EGFR: variants seen among roughly 807,000 people sequenced by gnomAD.
EGFR encodes epidermal growth factor receptor.
In EGFR, 58 loss-of-function variants were observed where a neutral mutation model predicts 143.0. The observed-to-expected ratio is 0.41, with a 90% CI of 0.33 to 0.50. EGFR has a LOEUF of 0.50. Among genes scored for constraint, EGFR ranks in the 20% least tolerant of loss-of-function variants. The pLI, the probability that EGFR is intolerant of heterozygous loss-of-function variation, is 0.39. For missense variants in EGFR, 1,307 were observed against 1,579.0 expected, an observed-to-expected ratio of 0.83 and a Z score of 2.92; for synonymous variants, 613 against 594.4, an observed-to-expected ratio of 1.03 and a Z score of -0.45.
rs2692456 is a variant in EGFR, at chr7:55,205,133, G to A, written c.3272-123G>A. 1,230,125 of 1,470,902 alleles carry A rather than the reference G, an allele frequency of 0.84. 515,269 individuals carry two copies. Among genetic ancestry groups the A allele is most frequent in the South Asian group, 0.93 (74,671 of 80,524 alleles). 91.1% of individuals were successfully genotyped at this position (1,470,902 alleles called of 1,614,324 possible). On this transcript the variant is annotated intron_variant, in intron 27 of 27. Coordinates refer to ENST00000275493, the MANE Select transcript of EGFR (RefSeq NM_005228.5). ...GCAGCAACAGCAAGAGGGCCCTCCC[G>A]AGGCTCCTGCTCCCTGTCATAAGTC... is the stretch of plus-strand genomic sequence containing the variant.
intron 1 of EGFR, among the ~76,000 whole-genome samples, chr7:55,107,653 A>C (rs553638872): frequency 1.3e-5 from 2 of 152,340 alleles, no homozygotes; most frequent in African/African-American, 4.8e-5. Context: ...AGTGAATTCC[A>C]GTTGTTCAGA....
At chr7:55,130,587 A>G (rs922139269) in intron 1 of EGFR, among the ~76,000 whole-genome samples, 1 of 152,166 alleles carries the variant, frequency 6.6e-6, no homozygotes, top group African/African-American at 2.4e-5. Flanking sequence ...TAAAAGGAGG[A>G]TTTCAGTTGA....
At chr7:55,052,215 T>A (rs966366058) in intron 1 of EGFR, among the ~76,000 whole-genome samples, 1 of 152,188 alleles carries the variant, frequency 6.6e-6, no homozygotes, top group African/African-American at 2.4e-5. Flanking sequence ...GGGAGACTCA[T>A]GTAAAAGGCA....
At chr7:55,042,698 A>G (rs1471410145) in intron 1 of EGFR, among the ~76,000 whole-genome samples, 1 of 152,158 alleles carries the variant, frequency 6.6e-6, no homozygotes, top group Non-Finnish European at 1.5e-5. Flanking sequence ...CAGAAGACAT[A>G]ACATATAGGG....
chr7:55,084,188 G>T (rs1203907760), intron 1 of EGFR, among the ~76,000 whole-genome samples: 1 of 152,174 alleles, frequency 6.6e-6, no homozygotes, highest in African/African-American at 2.4e-5. Context: ...GTGGGTCAGG[G>T]TCTGGGTTCT....
intron 1 of EGFR, among the ~76,000 whole-genome samples, chr7:55,060,339 G>A (rs886954366): frequency 1.3e-5 from 2 of 152,156 alleles, no homozygotes; most frequent in East Asian, 1.9e-4. Context: ...ACATAATTAC[G>A]TTTCCCTTCT....
At chr7:55,202,125 G>A (rs924329626) in intron 26 of EGFR, among the ~76,000 whole-genome samples, 29 of 152,328 alleles carry the variant, frequency 1.9e-4, no homozygotes, top group Admixed American at 6.5e-4. Context: ...GGTCTAGACC[G>A]CACTGTGCCA....
chr7:55,060,734 C>G (rs1156276003), intron 1 of EGFR, among the ~76,000 whole-genome samples: 1 of 152,112 alleles, frequency 6.6e-6, no homozygotes, highest in Non-Finnish European at 1.5e-5. Flanking sequence ...GCCTTGCTCC[C>G]AGTATAACGA....
At chr7:55,157,190 A>G (rs1209331399) in intron 10 of EGFR, among the ~76,000 whole-genome samples, 2 of 152,238 alleles carry the variant, frequency 1.3e-5, no homozygotes, top group Non-Finnish European at 2.9e-5. Flanking sequence ...TTGTGGGGCC[A>G]CGGGCAAGCC....
rs17336233 is a variant in EGFR at position 55,121,994 on chromosome 7, A to C, written c.89-20292A>C. On this transcript the variant is annotated intron_variant, in intron 1 of 27. Transcript: ENST00000275493. Reference sequence around the variant, plus strand: ...AGGGGCTCTTTACTGATTCTTCACTATCCAAAAAGACTTGGAGGGGAGACC... The same window carrying C: ...AGGGGCTCTTTACTGATTCTTCACTCTCCAAAAAGACTTGGAGGGGAGACC... Among the ~76,000 whole-genome samples, 909 of 152,276 alleles carry C rather than the reference A, an allele frequency of 6.0e-3. 5 individuals are homozygous for C. The highest frequency in any genetic ancestry group is 8.9e-3 in the South Asian group (43 of 4,818).
rs1785628941 is a variant in EGFR, at chr7:55,160,255, CA to C, written c.1418del (p.Asn473IlefsTer3). Reference sequence around the variant, plus strand: ...TCAGGAAACAAAAATTTGTGCTATGCAAATACAATAAACTGGAAAAAACTGT... The same window carrying C: ...TCAGGAAACAAAAATTTGTGCTATGCAATACAATAAACTGGAAAAAACTGT... ...IISGNKNLCYANTINWKKLFG... is the reference protein window; with the variant it reads ...IISGNKNLCYXNTINWKKLFG... On this transcript the variant is annotated frameshift_variant, in exon 12 of 28. Transcript: ENST00000275493. LOFTEE classifies it high-confidence loss of function. 1.2e-6 allele frequency: 2 copies of C among 1,614,034 alleles called. No homozygotes were observed. The highest frequency in any genetic ancestry group is 1.7e-6 in the Non-Finnish European group (2 of 1,180,000).
At chr7:55,064,292 G>A (rs1789371969) in intron 1 of EGFR, among the ~76,000 whole-genome samples, 1 of 152,156 alleles carries the variant, frequency 6.6e-6, no homozygotes, top group Non-Finnish European at 1.5e-5. Context: ...TTCCCCACTA[G>A]AAGCCAATTA....
chr7:55,138,388 T>G (rs990273368), intron 1 of EGFR, among the ~76,000 whole-genome samples: 17 of 152,228 alleles, frequency 1.1e-4, no homozygotes, highest in African/African-American at 3.9e-4. Flanking sequence ...TAAAGTAATA[T>G]CAACTCTTTC....
At chr7:55,198,313 A>G (rs1260433963) in intron 22 of EGFR, among the ~76,000 whole-genome samples, 1 of 152,164 alleles carries the variant, frequency 6.6e-6, no homozygotes, top group Non-Finnish European at 1.5e-5. Context: ...CAGAATCTGC[A>G]TCTTCCTCAT....
At chr7:55,135,856 T>C (rs1460990266) in intron 1 of EGFR, among the ~76,000 whole-genome samples, 4 of 152,314 alleles carry the variant, frequency 2.6e-5, no homozygotes, top group East Asian at 1.9e-4. Context: ...TTTTTTAAGA[T>C]AGCCTTCTTT....
intron 1 of EGFR, among the ~76,000 whole-genome samples, chr7:55,071,759 G>A (rs142625015): frequency 8.5e-4 from 130 of 152,312 alleles, no homozygotes; most frequent in African/African-American, 2.9e-3. Context: ...GAATCACATG[G>A]TTCTCTCCAA....
intron 1 of EGFR, among the ~76,000 whole-genome samples, chr7:55,020,372 A>G (rs1786476631): frequency 6.6e-6 from 1 of 152,050 alleles, no homozygotes; most frequent in Admixed American, 6.5e-5. Context: ...CTGTCCGGCC[A>G]CTGCAGGGGG....
intron 1 of EGFR, among the ~76,000 whole-genome samples, chr7:55,121,344 G>T (rs1793190081): frequency 6.6e-6 from 1 of 152,178 alleles, no homozygotes; most frequent in Non-Finnish European, 1.5e-5. Flanking sequence ...TTTCAACAGA[G>T]GAGGAGTCAA....
chr7:55,083,485 C>T (rs1790584262), intron 1 of EGFR, among the ~76,000 whole-genome samples: 1 of 152,206 alleles, frequency 6.6e-6, no homozygotes, highest in Admixed American at 6.5e-5. Flanking sequence ...TGAATGTCAT[C>T]TTTGGTGAAT....
Sources: gnomAD v4.1 joint callset for allele counts (sites outside exome capture counted in the v4.1 genomes callset) on GRCh38, gnomAD v4.1.1 for gene constraint, MANE v1.5 for transcripts, NCBI Gene and HGNC (gene_info 2026-07-23, HGNC 2026-07-21) for gene names.